GCH1: variants seen among roughly 807,000 people sequenced by gnomAD.
The protein encoded by GCH1 is GTP cyclohydrolase 1, also known as GTP cyclohydrolase I.
GCH1 carries 5 observed loss-of-function variants against 25.9 expected under a neutral mutation model. The observed-to-expected ratio is 0.19, with a 90% CI of 0.10 to 0.41. The LOEUF (loss-of-function observed/expected upper bound fraction) is 0.41. GCH1 is among the 10% of genes least tolerant of loss of function. GCH1 has a pLI of 1.00. For missense variants in GCH1, 261 were observed against 336.5 expected, an observed-to-expected ratio of 0.78 and a Z score of 1.75; for synonymous variants, 159 against 129.6, an observed-to-expected ratio of 1.23 and a Z score of -1.54.
At chr14:54,876,495 T>TA (rs150668526) in intron 1 of GCH1, among the ~76,000 whole-genome samples, 31,501 of 149,842 alleles carry the variant, frequency 0.21, 3,329 homozygotes, top group Admixed American at 0.24. Context: ...AGTATAATAA[T>TA]AAAAAAAAAA....
At chr14:54,868,097 C>CA (rs1471452527) in intron 1 of GCH1, among the ~76,000 whole-genome samples, 6 of 152,016 alleles carry the variant, frequency 3.9e-5, no homozygotes, top group African/African-American at 1.4e-4. Flanking sequence ...TCTAGGGACA[C>CA]AAAATATCTA....
At chr14:54,848,240 G>C (rs1415735064) in intron 3 of GCH1, among the ~76,000 whole-genome samples, 1 of 151,134 alleles carries the variant, frequency 6.6e-6, no homozygotes, top group Non-Finnish European at 1.5e-5. Flanking sequence ...GGGTTCAAGC[G>C]ATTCTCCTGC....
intron 1 of GCH1, among the ~76,000 whole-genome samples, chr14:54,883,210 A>C (rs1474274104): frequency 6.6e-6 from 1 of 150,994 alleles, no homozygotes; most frequent in African/African-American, 2.4e-5. Flanking sequence ...CATCTCTACT[A>C]AAAGTCCAAA....
rs145677407 is a variant in GCH1 at position 54,863,669 on chromosome 14, C to A, written c.453+1658G>T. ...ACTATGTAGAACAAGAGAGGCCAGA[C>A]ACAAAGAGTACATATCGTAGAATCT... On this transcript the variant is annotated intron_variant, in intron 2 of 5. Transcript: ENST00000491895. 6.1e-3 allele frequency among the ~76,000 whole-genome samples: 932 copies of A among 151,978 alleles called. 12 individuals carry two copies. The highest frequency in any genetic ancestry group is 0.021 in the African/African-American group (866 of 41,432).
At chr14:54,865,641 T>A (rs1013332853) in intron 1 of GCH1, among the ~76,000 whole-genome samples, 9 of 152,300 alleles carry the variant, frequency 5.9e-5, no homozygotes, top group Admixed American at 2.0e-4. Flanking sequence ...TGATACAGTG[T>A]TACATGAAAA....
rs1343076551 is a variant in GCH1, at chr14:54,843,029, T to C, written c.*988A>G. 1 of 863,924 alleles carries C rather than the reference T, an allele frequency of 1.2e-6. No individual in the cohort carries two copies. The highest frequency in any genetic ancestry group is 2.4e-5 in the East Asian group (1 of 41,590). 53.5% of individuals were successfully genotyped at this position (863,924 alleles called of 1,614,324 possible). A position where few individuals can be genotyped will look rare whatever the true frequency, so the allele number is the denominator to read the frequency against. On this transcript the variant is annotated 3_prime_UTR_variant, in exon 6 of 6. Coordinates refer to ENST00000491895, the MANE Select transcript of GCH1 (RefSeq NM_000161.3). The stretch of plus-strand genomic sequence containing the variant: ...TCAGTTCATTCTGTGCTCGTTCAGG[T>C]GCGTGGAAGCTATGGTTCTGCAGAC...
intron 1 of GCH1, among the ~76,000 whole-genome samples, chr14:54,869,126 C>A (rs1169223637): frequency 1.3e-5 from 2 of 151,814 alleles, no homozygotes; most frequent in Non-Finnish European, 2.9e-5. Context: ...GCAACCTTCG[C>A]CTCCCGGGTT....
At position 54,863,202 on chromosome 14, in the gene GCH1, G is replaced by A. The variant is rs183457709; in HGVS notation, c.453+2125C>T. Among the ~76,000 whole-genome samples, 680 of 151,960 alleles carry A rather than the reference G, an allele frequency of 4.5e-3. 13 individuals carry two copies. Among genetic ancestry groups the A allele is most frequent in the Admixed American group, 0.031 (466 of 15,258 alleles). On this transcript the variant is annotated intron_variant, in intron 2 of 5. Coordinates refer to ENST00000491895, the MANE Select transcript of GCH1 (RefSeq NM_000161.3). ...TGGGAGGCCAAGGCGGGCGGATCAC[G>A]AGGTCAGGAGATCAAGACCATCCTG...
chr14:54,849,469 T>G lies in GCH1; in HGVS notation c.510-2339A>C, dbSNP rs561430593. 1.4e-3 allele frequency among the ~76,000 whole-genome samples: 215 copies of G among 152,342 alleles called. 1 individual carries two copies. The highest frequency in any genetic ancestry group is 4.9e-3 in the African/African-American group (202 of 41,582). On this transcript the variant is annotated intron_variant, in intron 3 of 5. Coordinates refer to ENST00000491895, the MANE Select transcript of GCH1 (RefSeq NM_000161.3). ...TCAGTATTGCTGTTGGCAAACCAAT[T>G]CAGTGTAACTGCTGTTGCCTTTTAG...
chr14:54,864,261 C>T (rs938073518), intron 2 of GCH1, among the ~76,000 whole-genome samples: 2 of 152,132 alleles, frequency 1.3e-5, no homozygotes, highest in Non-Finnish European at 1.5e-5. Flanking sequence ...AGATACAATA[C>T]TTTAACAAAG....
rs35600814 is a variant in GCH1, at chr14:54,880,537, C to CAT, written c.344-15103_344-15102dup. Among the ~76,000 whole-genome samples, 19 of 30,960 alleles carry CAT rather than the reference C, an allele frequency of 6.1e-4. 3 individuals are homozygous for CAT. The highest frequency in any genetic ancestry group is 1.5e-3 in the Admixed American group (5 of 3,226). 20.3% of individuals were successfully genotyped at this position (30,960 alleles called of 152,430 possible). ...ATACTCCATATATATATATATACTC[C>CAT]ATATATATATATACTCCATATATAT... On this transcript the variant is annotated intron_variant, in intron 1 of 5. Coordinates refer to ENST00000491895, the MANE Select transcript of GCH1 (RefSeq NM_000161.3).
Position 54,843,402 on chromosome 14 carries a change from G to C in GCH1, c.*615C>G. On this transcript the variant is annotated 3_prime_UTR_variant, in exon 6 of 6. Coordinates refer to ENST00000491895, the MANE Select transcript of GCH1 (RefSeq NM_000161.3). The stretch of plus-strand genomic sequence containing the variant: ...CCTATTCTTGAATTTAAAAACAATA[G>C]AAGGTAGAAATGTGCCTTTTTAACT... 8.1e-7 allele frequency: 1 copy of C among 1,234,212 alleles called. No homozygotes were observed. The highest frequency in any genetic ancestry group is 1.0e-6 in the Non-Finnish European group (1 of 987,710). 76.5% of individuals were successfully genotyped at this position (1,234,212 alleles called of 1,614,324 possible). A position where few individuals can be genotyped will look rare whatever the true frequency, so the allele number is the denominator to read the frequency against.
intron 1 of GCH1, among the ~76,000 whole-genome samples, chr14:54,901,638 G>T (rs568496607): frequency 1.3e-5 from 2 of 152,118 alleles, no homozygotes; most frequent in Non-Finnish European, 2.9e-5. Context: ...GGTTGGGGGT[G>T]GGGGGAGGAA....
intron 1 of GCH1, among the ~76,000 whole-genome samples, chr14:54,880,003 A>T (rs868325343): frequency 6.7e-6 from 1 of 149,770 alleles, no homozygotes; most frequent in East Asian, 1.9e-4. Flanking sequence ...AAAAAAAAAA[A>T]AAAAAAGACA....
chr14:54,876,025 C>T (rs1475741868), intron 1 of GCH1, among the ~76,000 whole-genome samples: 1 of 152,108 alleles, frequency 6.6e-6, no homozygotes, highest in African/African-American at 2.4e-5. Context: ...ATAAAACATG[C>T]TACTATAAAG....
At chr14:54,872,609 C>T (rs58992937) in intron 1 of GCH1, among the ~76,000 whole-genome samples, 31,829 of 151,950 alleles carry the variant, frequency 0.21, 3,424 homozygotes, top group Admixed American at 0.24. Context: ...ACCCATCTCA[C>T]GTGCAGAGAC....
intron 1 of GCH1, among the ~76,000 whole-genome samples, chr14:54,867,667 C>T (rs1180515682): frequency 1.0e-4 from 15 of 149,330 alleles, no homozygotes; most frequent in Admixed American, 8.6e-4. Flanking sequence ...GTACTCTGTA[C>T]CTCAGTCTTC....
chr14:54,860,745 T>A (rs1024458050), intron 2 of GCH1, among the ~76,000 whole-genome samples: 1 of 152,128 alleles, frequency 6.6e-6, no homozygotes, highest in Admixed American at 6.5e-5. Flanking sequence ...TTCACCGTGT[T>A]AGCCAGGATG....
At position 54,867,713 on chromosome 14, in the gene GCH1, A is replaced by G. The variant is rs1266397444; in HGVS notation, c.344-2277T>C. 2.6e-5 allele frequency among the ~76,000 whole-genome samples: 4 copies of G among 151,910 alleles called. No homozygotes were observed. The East Asian group carries it at 7.8e-4, about 30-fold the overall frequency. On this transcript the variant is annotated intron_variant, in intron 1 of 5. Coordinates refer to ENST00000491895, the MANE Select transcript of GCH1 (RefSeq NM_000161.3). ...AATGAGCATAAAGTGCCTGCTTCAC[A>G]GGGTGTCATGAGGATTAAATGGGCA...
Sources: allele counts gnomAD v4.1 joint callset (sites outside exome capture counted in the v4.1 genomes callset), GRCh38; gene constraint gnomAD v4.1.1; transcripts MANE v1.5; gene names NCBI Gene and HGNC (gene_info 2026-07-23, HGNC 2026-07-21).